SLCO3A1: variants seen among roughly 807,000 people sequenced by gnomAD.
The protein encoded by SLCO3A1 is solute carrier organic anion transporter family member 3A1.
In SLCO3A1, 27 loss-of-function variants were observed where a neutral mutation model predicts 63.1. The observed-to-expected ratio is 0.43, with a 90% confidence interval of 0.32 to 0.59. SLCO3A1 has a LOEUF of 0.59. Among genes scored for constraint, SLCO3A1 ranks in the 20% least tolerant of loss-of-function variants. The pLI is 0.09. For synonymous variants in SLCO3A1, 473 were observed against 409.9 expected (o/e 1.15, Z -1.86); for missense variants, 773 against 945.8 (o/e 0.82, Z 2.40).
rs1427305470 is a variant in SLCO3A1 at position 92,033,525 on chromosome 15, G to A, written c.647-61356G>A. On this transcript the variant is annotated intron_variant, in intron 2 of 9. Coordinates refer to ENST00000318445, the MANE Select transcript of SLCO3A1 (RefSeq NM_013272.4). The surrounding 1 kb of genome is among the most constrained non-coding windows in gnomAD (Gnocchi z 4.5). ...AAAGGAGAACGAGGGAGGAGCAGAG[G>A]GTGACTTCCAGCTGGGACTGGCATG... Among the ~76,000 whole-genome samples the A allele has an allele frequency of 5.9e-5, 9 of 152,136 alleles. No individual in the cohort carries two copies. The highest frequency in any genetic ancestry group is 5.9e-4 in the Admixed American group (9 of 15,272).
intron 2 of SLCO3A1, among the ~76,000 whole-genome samples, chr15:91,992,417 G>A (rs112083279): frequency 1.2e-4 from 18 of 152,246 alleles, no homozygotes; most frequent in Non-Finnish European, 2.1e-4. Flanking sequence ...GGTTATGACC[G>A]CCAGTGACTC....
chr15:92,104,178 A>C, intron 3 of SLCO3A1, 101 bp from the exon 4 acceptor site: 4 of 1,359,512 alleles, frequency 2.9e-6, no homozygotes, highest in Non-Finnish European at 4.0e-6. Flanking sequence ...AGTCATTTCT[A>C]GAGCCCTTGC....
At chr15:91,864,665 T>C (rs1390257864) in intron 1 of SLCO3A1, among the ~76,000 whole-genome samples, 2 of 152,114 alleles carry the variant, frequency 1.3e-5, no homozygotes, top group Admixed American at 6.5e-5. Context: ...AGGGAGGTGA[T>C]TAAAAATAGC....
intron 2 of SLCO3A1, among the ~76,000 whole-genome samples, chr15:91,988,815 A>G (rs2046088448): frequency 6.6e-6 from 1 of 152,218 alleles, no homozygotes; most frequent in South Asian, 2.1e-4. Flanking sequence ...CAACAGCTTT[A>G]TGCTTCAGTT....
intron 2 of SLCO3A1, among the ~76,000 whole-genome samples, chr15:91,943,008 C>G (rs1000468301): frequency 6.6e-6 from 1 of 152,250 alleles, no homozygotes; most frequent in African/African-American, 2.4e-5. Context: ...CCTTGACCTT[C>G]TGTCCTTGTA....
intron 2 of SLCO3A1, among the ~76,000 whole-genome samples, chr15:92,091,602 C>T (rs2047477438): frequency 6.6e-6 from 1 of 152,204 alleles, no homozygotes; most frequent in Non-Finnish European, 1.5e-5. Context: ...TTTCTGAAGG[C>T]ACTTCCCGAT....
In SLCO3A1 at chr15:91,875,044, A is replaced by G. The variant is rs1300211983; in HGVS notation, c.180+20956A>G. Among the ~76,000 whole-genome samples the G allele has an allele frequency of 6.6e-6, 1 of 152,198 alleles. No individual in the cohort carries two copies. On this transcript the variant is annotated intron_variant, in intron 1 of 9. Transcript: ENST00000318445. The surrounding 1 kb of genome is among the most constrained non-coding windows in gnomAD (Gnocchi z 4.5). ...GGTTGAGATGGGTGGTTACATCCACACCACTCCACATGAAACAGACATTTG... is the reference window on the plus strand; with the variant it reads ...GGTTGAGATGGGTGGTTACATCCACGCCACTCCACATGAAACAGACATTTG...
rs1002839531 is a variant in SLCO3A1, at chr15:91,854,563, G to C, written c.180+475G>C. Among the ~76,000 whole-genome samples the C allele has an allele frequency of 6.6e-6, 1 of 152,056 alleles. No homozygotes were observed. The highest frequency in any genetic ancestry group is 6.5e-5 in the Admixed American group (1 of 15,272). ...AATCTATTATGCATCATTTTCTCCG[G>C]GCGCTTTCTACATCCGCCAATTACA... On this transcript the variant is annotated intron_variant, in intron 1 of 9. Coordinates refer to ENST00000318445, the MANE Select transcript of SLCO3A1 (RefSeq NM_013272.4). This position sits in a 1 kb window ranked among gnomAD's most constrained non-coding sequence, Gnocchi z 6.4.
At chr15:92,098,714 A>AT (rs1299299875) in intron 3 of SLCO3A1, among the ~76,000 whole-genome samples, 1 of 152,146 alleles carries the variant, frequency 6.6e-6, no homozygotes, top group Admixed American at 6.5e-5. Context: ...AGGCATTATC[A>AT]TGCAGTGGTT....
At position 91,872,496 on chromosome 15, in the gene SLCO3A1, C is replaced by T. The variant is rs112535723; in HGVS notation, c.180+18408C>T. Among the ~76,000 whole-genome samples, 7 of 151,400 alleles carry T rather than the reference C, an allele frequency of 4.6e-5. No homozygotes were observed. Among genetic ancestry groups the T allele is most frequent in the Admixed American group, 2.6e-4 (4 of 15,228 alleles). ...TTGCAGTGAGCCGAGACCATGCCAC[C>T]GCACTCCAGCCAGGGCAACAAAATG... On this transcript the variant is annotated intron_variant, in intron 1 of 9. Transcript: ENST00000318445. This position sits in a 1 kb window ranked among gnomAD's most constrained non-coding sequence, Gnocchi z 4.1.
chr15:92,016,208 G>GATAC (rs200144450), intron 2 of SLCO3A1, among the ~76,000 whole-genome samples: 29,394 of 96,804 alleles, frequency 0.3, 3,617 homozygotes, highest in African/African-American at 0.33. Context: ...TATTTATATA[G>GATAC]ATAGATAGAT....
chr15:92,016,241 A>ATTGAT (rs748323189), intron 2 of SLCO3A1, among the ~76,000 whole-genome samples: 10 of 53,536 alleles, frequency 1.9e-4, no homozygotes, highest in South Asian at 1.5e-3. Context: ...AGATAGATAG[A>ATTGAT]TAGATAGATA....
At chr15:92,097,647 G>A (rs1043285632) in intron 3 of SLCO3A1, among the ~76,000 whole-genome samples, 5 of 152,216 alleles carry the variant, frequency 3.3e-5, no homozygotes, top group Admixed American at 1.3e-4. Context: ...TCCCCACCAA[G>A]TTGATAGCGG....
intron 2 of SLCO3A1, among the ~76,000 whole-genome samples, chr15:91,959,723 C>CAAA (rs34759500): frequency 2.4e-4 from 17 of 71,966 alleles, no homozygotes; most frequent in African/African-American, 6.0e-4. Context: ...GACTCCATCT[C>CAAA]AAAAAAAAAA....
At chr15:91,922,722 A>G (rs749799064) in intron 2 of SLCO3A1, among the ~76,000 whole-genome samples, 10 of 152,246 alleles carry the variant, frequency 6.6e-5, no homozygotes, top group East Asian at 3.8e-4. Flanking sequence ...AGCATTGCTC[A>G]TTATATTCTT....
chr15:91,877,469 C>T (rs1897428740), intron 1 of SLCO3A1, among the ~76,000 whole-genome samples: 1 of 152,188 alleles, frequency 6.6e-6, no homozygotes, highest in Admixed American at 6.5e-5. Context: ...AAGACGCTTA[C>T]GTTGTGGTAC....
chr15:91,987,509 A>G (rs535302424), intron 2 of SLCO3A1, among the ~76,000 whole-genome samples: 6 of 152,300 alleles, frequency 3.9e-5, no homozygotes, highest in African/African-American at 1.4e-4. Context: ...TGGGAGCCTG[A>G]GGCAGGTGGA....
rs1480419237 is a variant in SLCO3A1 at position 91,948,413 on chromosome 15, G to C, written c.646+31955G>C. On this transcript the variant is annotated intron_variant, in intron 2 of 9. Coordinates refer to ENST00000318445, the MANE Select transcript of SLCO3A1 (RefSeq NM_013272.4). The surrounding 1 kb of genome is among the most constrained non-coding windows in gnomAD (Gnocchi z 4.8). ...CCAGCCACAGCATCCTATTCCTGCA[G>C]ATAAGCCTACAGGCTCTGTAGGAGT... is the stretch of plus-strand genomic sequence containing the variant. Among the ~76,000 whole-genome samples the C allele has an allele frequency of 6.6e-6, 1 of 152,202 alleles. No homozygotes were observed. The highest frequency in any genetic ancestry group is 2.4e-5 in the African/African-American group (1 of 41,444).
chr15:92,035,836 T>C (rs1323206079), intron 2 of SLCO3A1, among the ~76,000 whole-genome samples: 1 of 151,804 alleles, frequency 6.6e-6, no homozygotes, highest in Non-Finnish European at 1.5e-5. Context: ...GCCTGTGGCT[T>C]ATAAAGCCTG....
Sources: allele counts gnomAD v4.1 joint callset (sites outside exome capture counted in the v4.1 genomes callset), GRCh38; gene constraint gnomAD v4.1.1; non-coding constraint Gnocchi (gnomAD v3.1); transcripts MANE v1.5; gene names NCBI Gene and HGNC (gene_info 2026-07-23, HGNC 2026-07-21).